Variants in INPP4B observed in about 807,000 individuals in gnomAD.
INPP4B encodes the protein inositol polyphosphate 4-phosphatase type II.
A neutral mutation model predicts 122.5 loss-of-function variants in INPP4B; 55 were observed. The observed-to-expected ratio is 0.45, with a 90% CI of 0.36 to 0.56. The LOEUF is 0.56. INPP4B is among the 20% of genes least tolerant of loss of function. The pLI is 0.00. For missense variants in INPP4B, 1,000 were observed against 1,097.7 expected (o/e 0.91, Z 1.26); for synonymous variants, 403 against 388.7 (o/e 1.04, Z -0.43).
intron 1 of INPP4B, among the ~76,000 whole-genome samples, chr4:142,806,793 AAGAAAGAAAGAAAGAAAGAAAG>A (rs1437019887): frequency 1.5e-5 from 2 of 135,612 alleles, no homozygotes; most frequent in African/African-American, 5.6e-5. Flanking sequence ...GAAGGAAAGA[AAGAAAGAAAGAAAGAAAGAAAG>A]AAAGAAAGAA....
At chr4:142,531,614 T>C (rs1416654243) in intron 2 of INPP4B, among the ~76,000 whole-genome samples, 1 of 152,190 alleles carries the variant, frequency 6.6e-6, no homozygotes, top group African/African-American at 2.4e-5. Context: ...ATTTATTATA[T>C]AATCCACACT....
intron 1 of INPP4B, among the ~76,000 whole-genome samples, chr4:142,793,498 T>C (rs1776836824): frequency 6.6e-6 from 1 of 152,112 alleles, no homozygotes; most frequent in Non-Finnish European, 1.5e-5. Flanking sequence ...TTGCAGCAGC[T>C]AGGGTTCAAG....
intron 2 of INPP4B, among the ~76,000 whole-genome samples, chr4:142,463,068 C>T (rs1035253383): frequency 1.3e-5 from 2 of 152,186 alleles, no homozygotes; most frequent in African/African-American, 4.8e-5. Flanking sequence ...GTTAACTCAG[C>T]AGGCCTGAGT....
intron 7 of INPP4B, among the ~76,000 whole-genome samples, chr4:142,358,903 G>A (rs1186978982): frequency 6.6e-6 from 1 of 151,918 alleles, no homozygotes; most frequent in Non-Finnish European, 1.5e-5. Context: ...GGCTACTTTA[G>A]AGCCACTTGA....
At chr4:142,380,146 C>T (rs1793555968) in intron 7 of INPP4B, among the ~76,000 whole-genome samples, 1 of 152,230 alleles carries the variant, frequency 6.6e-6, no homozygotes, top group Admixed American at 6.5e-5. Context: ...CTCCTAGATC[C>T]ACTGTGAAAC....
intron 2 of INPP4B, among the ~76,000 whole-genome samples, chr4:142,563,515 T>C (rs1730908180): frequency 6.6e-6 from 1 of 152,100 alleles, no homozygotes; most frequent in Admixed American, 6.6e-5. Context: ...AAATAGAAAA[T>C]TAGAATCCAG....
chr4:142,467,533 T>G (rs1271237845), intron 2 of INPP4B, among the ~76,000 whole-genome samples: 1 of 138,874 alleles, frequency 7.2e-6, no homozygotes, highest in East Asian at 2.0e-4. Context: ...AACTAGTTTT[T>G]TTTTTGTTTT....
At chr4:142,568,252 T>C (rs996767272) in intron 2 of INPP4B, among the ~76,000 whole-genome samples, 2 of 152,134 alleles carry the variant, frequency 1.3e-5, no homozygotes, top group African/African-American at 4.8e-5. Context: ...AAGTCGTTTC[T>C]TTCGTTTTCA....
At chr4:142,534,639 C>G (rs1827981918) in intron 2 of INPP4B, among the ~76,000 whole-genome samples, 1 of 150,980 alleles carries the variant, frequency 6.6e-6, no homozygotes. Flanking sequence ...AGTATAATTA[C>G]TTATGGTACA....
intron 1 of INPP4B, among the ~76,000 whole-genome samples, chr4:142,777,629 A>C (rs898165661): frequency 3.3e-5 from 5 of 152,186 alleles, no homozygotes; most frequent in Non-Finnish European, 5.9e-5. Flanking sequence ...AAGTCACTAA[A>C]TTTGTTACAC....
At chr4:142,550,505 A>C (rs1036307097) in intron 2 of INPP4B, among the ~76,000 whole-genome samples, 1 of 151,666 alleles carries the variant, frequency 6.6e-6, no homozygotes, top group Non-Finnish European at 1.5e-5. Flanking sequence ...GAGATAAGGG[A>C]ACTTATCCAG....
At chr4:142,144,222 TACACACACACACACACACACACACACAC>T (rs35496129) in intron 18 of INPP4B, among the ~76,000 whole-genome samples, 2 of 144,940 alleles carry the variant, frequency 1.4e-5, no homozygotes, top group East Asian at 2.0e-4. Flanking sequence ...AAATACAAGA[TACACACACACACACACACACACACACAC>T]ACACACACAC....
chr4:142,499,835 A>G (rs984853366), intron 2 of INPP4B, among the ~76,000 whole-genome samples: 1 of 152,150 alleles, frequency 6.6e-6, no homozygotes, highest in African/African-American at 2.4e-5. Flanking sequence ...TTACATCTAC[A>G]AAGAGTAATC....
intron 2 of INPP4B, among the ~76,000 whole-genome samples, chr4:142,700,063 TA>T (rs1366481775): frequency 6.6e-6 from 1 of 152,164 alleles, no homozygotes; most frequent in African/African-American, 2.4e-5. Flanking sequence ...CCCTGTATAG[TA>T]AAGCATCTTA....
chr4:142,723,022 T>C (rs1764886260), intron 2 of INPP4B, among the ~76,000 whole-genome samples: 1 of 84,150 alleles, frequency 1.2e-5, no homozygotes, highest in Non-Finnish European at 2.5e-5. Context: ...ATCTGTATCA[T>C]TTCCTACATC....
chr4:142,656,165 AC>A (rs1754093525), intron 2 of INPP4B, among the ~76,000 whole-genome samples: 1 of 152,156 alleles, frequency 6.6e-6, no homozygotes, highest in South Asian at 2.1e-4. Context: ...GGATTTGATC[AC>A]CAGGTGGGAA....
intron 5 of INPP4B, among the ~76,000 whole-genome samples, chr4:142,418,195 G>T (rs1377923962): frequency 6.6e-6 from 1 of 151,978 alleles, no homozygotes; most frequent in Non-Finnish European, 1.5e-5. Flanking sequence ...ATATTCATTT[G>T]CAAACAATGA....
At chr4:142,704,130 C>T (rs990393934) in intron 2 of INPP4B, among the ~76,000 whole-genome samples, 6 of 151,926 alleles carry the variant, frequency 3.9e-5, no homozygotes, top group African/African-American at 7.3e-5. Flanking sequence ...ATAAGGAGGC[C>T]GGAATGAACA....
intron 2 of INPP4B, among the ~76,000 whole-genome samples, chr4:142,593,475 C>T (rs1177230794): frequency 6.6e-6 from 1 of 152,080 alleles, no homozygotes; most frequent in Non-Finnish European, 1.5e-5. Flanking sequence ...ATGTTAATGA[C>T]TCTCTGGCCA....
Sources: allele counts gnomAD v4.1 joint callset (sites outside exome capture counted in the v4.1 genomes callset), GRCh38; gene constraint gnomAD v4.1.1; transcripts MANE v1.5; gene names NCBI Gene and HGNC (gene_info 2026-07-23, HGNC 2026-07-21).